The following MTSS1 variants were observed in gnomAD, a reference collection of about 807,000 sequenced individuals.
MTSS1 encodes MTSS I-BAR domain containing 1.
Under a neutral mutation model 79.0 loss-of-function variants are expected in MTSS1, and 18 were observed. The observed-to-expected ratio is 0.23, with a 90% CI of 0.16 to 0.34. The LOEUF (loss-of-function observed/expected upper bound fraction) is 0.34, where lower values mean the gene tolerates loss of function less well. MTSS1 is among the 10% of genes least tolerant of loss of function. The pLI, the probability that MTSS1 is intolerant of heterozygous loss-of-function variation, is 1.00. For missense variants in MTSS1, 815 were observed against 986.2 expected, an observed-to-expected ratio of 0.83 and a Z score of 2.33; for synonymous variants, 341 against 368.6, an observed-to-expected ratio of 0.93 and a Z score of 0.86.
chr8:124,662,460 C>T (rs1822234036), intron 3 of MTSS1, among the ~76,000 whole-genome samples: 1 of 152,164 alleles, frequency 6.6e-6, no homozygotes, highest in Non-Finnish European at 1.5e-5. Context: ...TCTCTGCCAC[C>T]AGGAAGCTTT....
chr8:124,618,152 T>A (rs868766642), intron 3 of MTSS1, among the ~76,000 whole-genome samples: 1 of 152,136 alleles, frequency 6.6e-6, no homozygotes, highest in African/African-American at 2.4e-5. Flanking sequence ...GCAAGGGATC[T>A]GGATTTCAAA....
rs141323036 is a variant in MTSS1 at position 124,678,531 on chromosome 8, G to A, written c.208+20995C>T. ...AGAGCAAAGGTACGTCTTACATGGC[G>A]GCAGGCAAAAGAGCGTGTACAGAGG... On this transcript the variant is annotated intron_variant, in intron 3 of 13. Transcript: ENST00000518547. Among the ~76,000 whole-genome samples, 57 of 152,286 alleles carry A rather than the reference G, an allele frequency of 3.7e-4. 1 individual carries two copies. In the East Asian group the frequency reaches 9.4e-3, roughly 25 times the overall value.
In MTSS1 at chr8:124,680,199, T is replaced by C. The variant is rs530296813; in HGVS notation, c.208+19327A>G. On this transcript the variant is annotated intron_variant, in intron 3 of 13. Transcript: ENST00000518547. ...GTTTAAATGGCAACTTCTTTGTCAC[T>C]GGATCAGACCACACATGTGGAACAC... Among the ~76,000 whole-genome samples the C allele has an allele frequency of 3.0e-4, 45 of 152,362 alleles. No individual in the cohort carries two copies. The South Asian group carries it at 9.1e-3, about 31-fold the overall frequency.
At chr8:124,653,884 C>G (rs1466533787) in intron 3 of MTSS1, among the ~76,000 whole-genome samples, 2 of 152,188 alleles carry the variant, frequency 1.3e-5, no homozygotes, top group Non-Finnish European at 2.9e-5. Context: ...CTACTAGACA[C>G]AAATCGCATT....
intron 7 of MTSS1, chr8:124,567,886 T>C: frequency 7.0e-7 from 1 of 1,436,130 alleles, no homozygotes; most frequent in East Asian, 2.5e-5. Flanking sequence ...GGCATGCAAA[T>C]GATTTCCTTA....
At chr8:124,555,956 C>CACTAA (rs1823626697) in intron 12 of MTSS1, 52 bp from the exon 13 acceptor site, 2 of 1,591,050 alleles carry the variant, frequency 1.3e-6, no homozygotes, top group Non-Finnish European at 1.7e-6. Context: ...GGGGGCTCAA[C>CACTAA]AGCACTCCTG....
rs1488732308 is a variant in MTSS1 at position 124,589,544 on chromosome 8, G to A, written c.385+76C>T. 4.3e-6 allele frequency: 5 copies of A among 1,165,184 alleles called. No individual in the cohort carries two copies. In the African/African-American group the frequency reaches 6.2e-5, roughly 14 times the overall value. 72.2% of individuals were successfully genotyped at this position (1,165,184 alleles called of 1,614,324 possible). A position where few individuals can be genotyped will look rare whatever the true frequency, so the allele number is the denominator to read the frequency against. On this transcript the variant is annotated intron_variant, in intron 5 of 13. Transcript: ENST00000518547. ...GGTGACACCAATAAACCTAGCAGAG[G>A]GGCCAGGCAGCAGCTGGCAACTTCC... is the stretch of plus-strand genomic sequence containing the variant.
chr8:124,554,702 T>C (rs764316963), intron 13 of MTSS1, among the ~76,000 whole-genome samples: 1 of 152,214 alleles, frequency 6.6e-6, no homozygotes, highest in African/African-American at 2.4e-5. Flanking sequence ...GTTCTACTTA[T>C]TGGTTGTGTG....
chr8:124,668,155 C>T (rs1453064845), intron 3 of MTSS1, among the ~76,000 whole-genome samples: 2 of 152,184 alleles, frequency 1.3e-5, no homozygotes, highest in African/African-American at 2.4e-5. Flanking sequence ...TGCCAACAGG[C>T]CCGGCCAGCA....
At chr8:124,657,171 T>C (rs978012467) in intron 3 of MTSS1, among the ~76,000 whole-genome samples, 1 of 152,202 alleles carries the variant, frequency 6.6e-6, no homozygotes, top group Admixed American at 6.5e-5. Flanking sequence ...CCTAATCTAT[T>C]AGCAGAGTCC....
intron 3 of MTSS1, among the ~76,000 whole-genome samples, chr8:124,680,661 G>A (rs968907367): frequency 2.8e-4 from 43 of 152,170 alleles, no homozygotes; most frequent in African/African-American, 1.0e-3. Flanking sequence ...GTTATGTCTT[G>A]CAAACAGCAC....
chr8:124,641,371 A>G (rs1249202499), intron 3 of MTSS1, among the ~76,000 whole-genome samples: 1 of 152,248 alleles, frequency 6.6e-6, no homozygotes. Flanking sequence ...TTGAGACACA[A>G]TTAAGATGGG....
intron 1 of MTSS1, among the ~76,000 whole-genome samples, chr8:124,711,166 T>C (rs1486512882): frequency 6.6e-6 from 1 of 152,192 alleles, no homozygotes; most frequent in Non-Finnish European, 1.5e-5. Context: ...ATACTGGCCC[T>C]TCCCAAGCTG....
At chr8:124,712,421 G>A (rs1831305476) in intron 1 of MTSS1, among the ~76,000 whole-genome samples, 1 of 152,286 alleles carries the variant, frequency 6.6e-6, no homozygotes, top group Non-Finnish European at 1.5e-5. Flanking sequence ...ACCTACGCTG[G>A]AGTGGCTCTG....
intron 3 of MTSS1, among the ~76,000 whole-genome samples, chr8:124,610,335 A>T (rs1017317151): frequency 6.6e-6 from 1 of 152,194 alleles, no homozygotes; most frequent in Non-Finnish European, 1.5e-5. Flanking sequence ...TACTCAAGAC[A>T]TATTTTTTTA....
intron 3 of MTSS1, among the ~76,000 whole-genome samples, chr8:124,660,432 G>GCACACACACA (rs5894719): frequency 4.5e-4 from 63 of 140,786 alleles, no homozygotes; most frequent in South Asian, 2.5e-3. Context: ...CCATGCGCAT[G>GCACACACACA]CACACACACA....
intron 9 of MTSS1, 54 bp from the exon 10 acceptor site, chr8:124,563,046 G>A: frequency 6.8e-7 from 1 of 1,473,434 alleles, no homozygotes. Flanking sequence ...AGAAAGGGGA[G>A]CAGTGGTAAG....
At chr8:124,609,906 G>A (rs1420762858) in intron 3 of MTSS1, among the ~76,000 whole-genome samples, 1 of 152,110 alleles carries the variant, frequency 6.6e-6, no homozygotes, top group Non-Finnish European at 1.5e-5. Context: ...GGGGTGGGGG[G>A]AAATGAGACA....
At chr8:124,604,900 C>T (rs1400757630) in intron 3 of MTSS1, among the ~76,000 whole-genome samples, 1 of 152,184 alleles carries the variant, frequency 6.6e-6, no homozygotes, top group South Asian at 2.1e-4. Context: ...CGGCTTCAGA[C>T]CAGCAAGCAT....
Sources: allele counts gnomAD v4.1 joint callset (sites outside exome capture counted in the v4.1 genomes callset), GRCh38; gene constraint gnomAD v4.1.1; transcripts MANE v1.5; gene names NCBI Gene and HGNC (gene_info 2026-07-23, HGNC 2026-07-21).